PBX3: variants seen among roughly 807,000 people sequenced by gnomAD.
PBX3 encodes PBX homeobox 3.
Under a neutral mutation model 48.5 loss-of-function variants are expected in PBX3, and 14 were observed. That is an observed-to-expected ratio of 0.29 (90% CI 0.19 to 0.45). The LOEUF (loss-of-function observed/expected upper bound fraction) is 0.45, where lower values mean the gene tolerates loss of function less well. Ranked by LOEUF, PBX3 falls within the 20% of genes least tolerant of loss-of-function variation. The pLI, the probability that PBX3 is intolerant of heterozygous loss-of-function variation, is 1.00. For missense variants in PBX3, 386 were observed against 546.7 expected (o/e 0.71, Z 2.93); for synonymous variants, 210 against 200.3 (o/e 1.05, Z -0.41).
At chr9:125,836,264 T>C (rs554109665) in intron 2 of PBX3, among the ~76,000 whole-genome samples, 3 of 152,166 alleles carry the variant, frequency 2.0e-5, no homozygotes, top group African/African-American at 4.8e-5. Context: ...GCCAACATGG[T>C]GAAATCCCAT....
chr9:125,829,563 A>C (rs73667092), intron 2 of PBX3, among the ~76,000 whole-genome samples: 9,002 of 151,886 alleles, frequency 0.059, 612 homozygotes, highest in East Asian at 0.17. Context: ...TAGTTAAAAA[A>C]CTCATTATAG....
intron 3 of PBX3, among the ~76,000 whole-genome samples, chr9:125,926,389 A>G (rs1841576624): frequency 6.6e-6 from 1 of 151,994 alleles, no homozygotes; most frequent in Non-Finnish European, 1.5e-5. Flanking sequence ...GCGCAGTGGC[A>G]TATGCCTGTA....
intron 3 of PBX3, among the ~76,000 whole-genome samples, chr9:125,919,418 C>T (rs1441912569): frequency 6.9e-6 from 1 of 143,924 alleles, no homozygotes; most frequent in African/African-American, 2.7e-5. Flanking sequence ...ACTATCTTGG[C>T]CAGGCTGGTC....
intron 2 of PBX3, among the ~76,000 whole-genome samples, chr9:125,912,501 G>A (rs1406882238): frequency 1.3e-5 from 2 of 152,132 alleles, no homozygotes; most frequent in African/African-American, 4.8e-5. Flanking sequence ...AGGATTTGCT[G>A]AAAGATATGC....
chr9:125,765,508 G>A (rs537775208), intron 2 of PBX3, among the ~76,000 whole-genome samples: 138 of 152,156 alleles, frequency 9.1e-4, no homozygotes, highest in Admixed American at 1.8e-3. Context: ...TGATAATAGG[G>A]TTACTGGCCA....
chr9:125,759,255 A>G lies in PBX3; in HGVS notation c.274+10632A>G, dbSNP rs947955866. On this transcript the variant is annotated intron_variant, in intron 2 of 8. Coordinates refer to ENST00000373489, the MANE Select transcript of PBX3 (RefSeq NM_006195.6). The surrounding 1 kb of genome is among the most constrained non-coding windows in gnomAD (Gnocchi z 4.2). ...ATCTGCCCTAAATGCCTCAGTAAAT[A>G]TATGCTGGAGAACAGAAGCCTATTC... Among the ~76,000 whole-genome samples, 3 of 152,200 alleles carry G rather than the reference A, an allele frequency of 2.0e-5. No homozygotes were observed. The highest frequency in any genetic ancestry group is 2.1e-4 in the South Asian group (1 of 4,834).
intron 2 of PBX3, among the ~76,000 whole-genome samples, chr9:125,770,395 T>C (rs1016126321): frequency 6.6e-6 from 1 of 152,206 alleles, no homozygotes; most frequent in Non-Finnish European, 1.5e-5. Context: ...TAATAGTTTT[T>C]GAAGGGGAAT....
At chr9:125,785,485 G>A (rs986233885) in intron 2 of PBX3, among the ~76,000 whole-genome samples, 6 of 152,148 alleles carry the variant, frequency 3.9e-5, no homozygotes, top group Non-Finnish European at 5.9e-5. Flanking sequence ...TTGGACTCTT[G>A]GACTTACATC....
Position 125,911,975 on chromosome 9 carries a change from A to G in PBX3, c.275-3711A>G, listed in dbSNP as rs1445900190. ...CGTGTAGAACATATTTGAAATAGCT[A>G]TGGTCTGAAGCCATACTCTTCAGTG... On this transcript the variant is annotated intron_variant, in intron 2 of 8. Coordinates refer to ENST00000373489, the MANE Select transcript of PBX3 (RefSeq NM_006195.6). Among the ~76,000 whole-genome samples the G allele has an allele frequency of 3.3e-5, 5 of 152,116 alleles. 1 individual carries two copies. The highest frequency in any genetic ancestry group is 4.1e-4 in the South Asian group (2 of 4,828).
chr9:125,932,730 T>C (rs1841745792), intron 4 of PBX3, among the ~76,000 whole-genome samples: 1 of 152,044 alleles, frequency 6.6e-6, no homozygotes, highest in South Asian at 2.1e-4. Flanking sequence ...TTTCTGCTGA[T>C]ACTTTCCCAT....
intron 2 of PBX3, among the ~76,000 whole-genome samples, chr9:125,775,335 G>A (rs1425905438): frequency 2.0e-5 from 3 of 152,100 alleles, no homozygotes; most frequent in African/African-American, 7.2e-5. Context: ...AAAAATATCT[G>A]TTCAAATCTT....
At chr9:125,760,746 G>C (rs1482134214) in intron 2 of PBX3, among the ~76,000 whole-genome samples, 1 of 152,118 alleles carries the variant, frequency 6.6e-6, no homozygotes, top group Non-Finnish European at 1.5e-5. Flanking sequence ...ACATTTTTCT[G>C]TGCATATAAG....
intron 2 of PBX3, among the ~76,000 whole-genome samples, chr9:125,812,822 A>G (rs913492903): frequency 3.9e-5 from 6 of 152,236 alleles, no homozygotes; most frequent in African/African-American, 1.2e-4. Flanking sequence ...TGAATACTAT[A>G]GGTAATTTTA....
chr9:125,819,715 A>G (rs1838592062), intron 2 of PBX3, among the ~76,000 whole-genome samples: 1 of 152,136 alleles, frequency 6.6e-6, no homozygotes. Context: ...AGTGTTTTAT[A>G]TATATATAAA....
intron 2 of PBX3, among the ~76,000 whole-genome samples, chr9:125,881,427 T>C (rs541583284): frequency 6.6e-6 from 1 of 152,316 alleles, no homozygotes; most frequent in Admixed American, 6.5e-5. Context: ...GTTGGTAAAT[T>C]GACAGCTAAG....
At chr9:125,922,963 A>C (rs543330491) in intron 3 of PBX3, among the ~76,000 whole-genome samples, 3 of 152,260 alleles carry the variant, frequency 2.0e-5, no homozygotes, top group Non-Finnish European at 4.4e-5. Flanking sequence ...GCTAAAGTGC[A>C]CACTACATAA....
intron 2 of PBX3, among the ~76,000 whole-genome samples, chr9:125,896,842 TG>T (rs1840780485): frequency 6.6e-6 from 1 of 152,016 alleles, no homozygotes; most frequent in Admixed American, 6.6e-5. Context: ...ATTAAAGGTT[TG>T]TTTTTTACAC....
chr9:125,756,026 A>T (rs1836509751), intron 2 of PBX3, among the ~76,000 whole-genome samples: 1 of 152,102 alleles, frequency 6.6e-6, no homozygotes, highest in Non-Finnish European at 1.5e-5. Context: ...ATGTCACTAA[A>T]TTGAACTTCA....
intron 2 of PBX3, among the ~76,000 whole-genome samples, chr9:125,862,825 T>G (rs1251002998): frequency 6.6e-6 from 1 of 152,156 alleles, no homozygotes. Context: ...GTGAATTACT[T>G]TTAGGACTGT....
Sources: gnomAD v4.1 joint callset for allele counts (sites outside exome capture counted in the v4.1 genomes callset) on GRCh38, gnomAD v4.1.1 for gene constraint, Gnocchi (gnomAD v3.1) non-coding constraint, MANE v1.5 for transcripts, NCBI Gene and HGNC (gene_info 2026-07-23, HGNC 2026-07-21) for gene names.